Variants in PIEZO2 observed in about 807,000 individuals in gnomAD.
PIEZO2 encodes the protein piezo type mechanosensitive ion channel component 2.
PIEZO2 carries 172 observed loss-of-function variants against 337.3 expected under a neutral mutation model. The ratio of observed to expected loss-of-function variants is 0.51; its 90% CI spans 0.45 to 0.58. The LOEUF is 0.58. Ranked by LOEUF, PIEZO2 falls within the 20% of genes least tolerant of loss-of-function variation. The pLI is 0.00. For missense variants in PIEZO2, 3,028 were observed against 3,391.3 expected (o/e 0.89, Z 2.66); for synonymous variants, 1,251 against 1,228.5 (o/e 1.02, Z -0.38).
Position 10,815,811 on chromosome 18 carries a change from C to G in PIEZO2, c.918-8537G>C, listed in dbSNP as rs912176971. Among the ~76,000 whole-genome samples, 1 of 152,142 alleles carries G rather than the reference C, an allele frequency of 6.6e-6. No individual in the cohort carries two copies. The highest frequency in any genetic ancestry group is 2.4e-5 in the African/African-American group (1 of 41,432). On this transcript the variant is annotated intron_variant, in intron 7 of 55. Coordinates refer to ENST00000674853, the MANE Select transcript of PIEZO2 (RefSeq NM_001378183.1). This position sits in a 1 kb window ranked among gnomAD's most constrained non-coding sequence, Gnocchi z 4.1. ...CACATAGAATATACTTTCTACCTCT[C>G]CAAGAAAAACAGTTCCAAATTTCTA...
Position 11,138,595 on chromosome 18 carries a change from C to G in PIEZO2, c.64+9930G>C, listed in dbSNP as rs150369967. The stretch of plus-strand genomic sequence containing the variant: ...CAGGCGTGAGCCACCACACCCAGCT[C>G]AAAAGATGTTTTGAAATAGCTGCTA... On this transcript the variant is annotated intron_variant, in intron 1 of 55. Coordinates refer to ENST00000674853, the MANE Select transcript of PIEZO2 (RefSeq NM_001378183.1). Among the ~76,000 whole-genome samples, 92 of 152,284 alleles carry G rather than the reference C, an allele frequency of 6.0e-4. 1 individual carries two copies. In the East Asian group the frequency reaches 0.017, roughly 28 times the overall value.
At chr18:10,762,856 TC>T in intron 22 of PIEZO2, 65 bp downstream of exon 22, 1 of 1,483,042 alleles carries the variant, frequency 6.7e-7, no homozygotes, top group Non-Finnish European at 9.0e-7. Flanking sequence ...GGATGGGGGT[TC>T]CCCAAGTATC....
At position 10,705,598 on chromosome 18, in the gene PIEZO2, C is replaced by T; in HGVS notation, c.5737G>A (p.Gly1913Arg). ...KEYEATGYDVGAMGAEEASLT... is the reference protein window; with the variant it reads ...KEYEATGYDVRAMGAEEASLT... ...CTGGCCTCCTCGGCACCCATGGCTC[C>T]CACATCGTACCCAGTGGCCTCGTAC... Residue 1913 changes from glycine (G) to arginine (R), a missense_variant, in exon 41 of 56, where the codon GGA (glycine) becomes AGA (arginine). By Grantham distance (125) the Gly-to-Arg change is moderately radical. This residue lies in a region of PIEZO2 where 1,925 missense variants were observed against 2,051.9 expected (regional missense o/e 0.94). Transcript: ENST00000674853. 6.5e-7 allele frequency: 1 copy of T among 1,537,190 alleles called. No individual in the cohort carries two copies. The highest frequency in any genetic ancestry group is 8.7e-7 in the Non-Finnish European group (1 of 1,146,890).
At chr18:11,073,669 T>C (rs1407047881) in intron 1 of PIEZO2, among the ~76,000 whole-genome samples, 1 of 152,182 alleles carries the variant, frequency 6.6e-6, no homozygotes, top group Non-Finnish European at 1.5e-5. Context: ...ATTTGACAGA[T>C]GGCAGTCACA....
chr18:11,041,345 G>T (rs1017332500), intron 2 of PIEZO2, among the ~76,000 whole-genome samples: 7 of 152,204 alleles, frequency 4.6e-5, no homozygotes, highest in Non-Finnish European at 8.8e-5. Flanking sequence ...AGGATAAAGA[G>T]AAAGAGAAAT....
intron 47 of PIEZO2, among the ~76,000 whole-genome samples, chr18:10,694,742 G>A (rs906268837): frequency 1.3e-5 from 2 of 152,230 alleles, no homozygotes; most frequent in African/African-American, 4.8e-5. Flanking sequence ...GGCTGAGGCG[G>A]GAGGATTGTT....
intron 4 of PIEZO2, among the ~76,000 whole-genome samples, chr18:10,882,761 A>G (rs1157054138): frequency 6.6e-6 from 1 of 150,938 alleles, no homozygotes; most frequent in Non-Finnish European, 1.5e-5. Context: ...ATCACCTCCA[A>G]TTCTATCCTG....
intron 3 of PIEZO2, among the ~76,000 whole-genome samples, chr18:10,933,056 G>T (rs565340300): frequency 6.6e-6 from 1 of 152,272 alleles, no homozygotes; most frequent in South Asian, 2.1e-4. Context: ...ACAGGAGGGT[G>T]AGGACCCTGG....
chr18:10,822,755 T>C (rs969663666), intron 7 of PIEZO2, among the ~76,000 whole-genome samples: 4 of 152,214 alleles, frequency 2.6e-5, no homozygotes, highest in African/African-American at 7.2e-5. Flanking sequence ...TGGGGTGCAC[T>C]AAGCGGCTAA....
Position 10,762,548 on chromosome 18 carries a change from T to A in PIEZO2, c.3201A>T (p.Thr1067=), listed in dbSNP as rs552989428. The A allele has an allele frequency of 7.2e-5, 110 of 1,537,382 alleles. 1 individual carries two copies. The South Asian group carries it at 1.3e-3, about 18-fold the overall frequency. The change falls in exon 23 of 56, where the codon ACA becomes ACT. Residue 1067 remains threonine (T), a synonymous_variant. Transcript: ENST00000674853. ...AAGACTTCCGCAGGCCGACCCACTC[T>A]GTAGGATCGATAGGAGCGCTGTAGA... is the stretch of plus-strand genomic sequence containing the variant. ...SLLYSAPIDP[T]EWVGLRKSSP...
Position 11,110,790 on chromosome 18 carries a change from T to C in PIEZO2, c.64+37735A>G, listed in dbSNP as rs891155944. Among the ~76,000 whole-genome samples, 2 of 151,516 alleles carry C rather than the reference T, an allele frequency of 1.3e-5. No individual in the cohort carries two copies. Among genetic ancestry groups the C allele is most frequent in the East Asian group, 3.9e-4 (2 of 5,106 alleles). ...GCTCTGGCCCACGTGTGCGTTTCCT[T>C]TGGAACACACAGTATTGACCAGCAC... On this transcript the variant is annotated intron_variant, in intron 1 of 55. Coordinates refer to ENST00000674853, the MANE Select transcript of PIEZO2 (RefSeq NM_001378183.1). The surrounding 1 kb of genome is among the most constrained non-coding windows in gnomAD (Gnocchi z 4.2).
chr18:11,004,225 C>G (rs1157940131), intron 2 of PIEZO2, among the ~76,000 whole-genome samples: 1 of 152,044 alleles, frequency 6.6e-6, no homozygotes, highest in South Asian at 2.1e-4. Flanking sequence ...CCTGAGTCCC[C>G]CTGGATGGAA....
intron 1 of PIEZO2, among the ~76,000 whole-genome samples, chr18:11,141,437 A>C (rs1302058139): frequency 6.6e-6 from 1 of 152,226 alleles, no homozygotes; most frequent in African/African-American, 2.4e-5. Flanking sequence ...CACACAGGGT[A>C]AAGATGGAAT....
intron 2 of PIEZO2, among the ~76,000 whole-genome samples, chr18:11,026,831 G>A (rs1350881203): frequency 6.6e-6 from 1 of 152,146 alleles, no homozygotes; most frequent in African/African-American, 2.4e-5. Flanking sequence ...TTAGAACATG[G>A]ACCAGATCAC....
rs191994892 is a variant in PIEZO2 at position 11,003,173 on chromosome 18, G to A, written c.161-23513C>T. Reference sequence around the variant, plus strand: ...GGGTGATGCAGTGAGGTTCCAGGACGTGTGTGGTATTAACTGTAGCACTAA... The same window carrying A: ...GGGTGATGCAGTGAGGTTCCAGGACATGTGTGGTATTAACTGTAGCACTAA... On this transcript the variant is annotated intron_variant, in intron 2 of 55. Transcript: ENST00000674853. This position sits in a 1 kb window ranked among gnomAD's most constrained non-coding sequence, Gnocchi z 4.6. 1.3e-5 allele frequency among the ~76,000 whole-genome samples: 2 copies of A among 152,338 alleles called. No individual in the cohort carries two copies. The highest frequency in any genetic ancestry group is 2.1e-4 in the South Asian group (1 of 4,830).
At chr18:10,955,834 C>T (rs2033495407) in intron 3 of PIEZO2, among the ~76,000 whole-genome samples, 1 of 152,132 alleles carries the variant, frequency 6.6e-6, no homozygotes. Context: ...CATTATAGAA[C>T]ACTCCTTGAG....
intron 1 of PIEZO2, among the ~76,000 whole-genome samples, chr18:11,139,752 C>G (rs2040588154): frequency 6.6e-6 from 1 of 152,188 alleles, no homozygotes; most frequent in African/African-American, 2.4e-5. Flanking sequence ...CCTCCCCTTC[C>G]TTTAACGGGT....
intron 2 of PIEZO2, among the ~76,000 whole-genome samples, chr18:11,050,721 C>G (rs1479740622): frequency 6.6e-6 from 1 of 151,810 alleles, no homozygotes; most frequent in African/African-American, 2.4e-5. Context: ...GTCACCAAAG[C>G]ACAGTAAGCC....
chr18:11,037,334 C>A (rs2584750), intron 2 of PIEZO2, among the ~76,000 whole-genome samples: 70,898 of 151,816 alleles, frequency 0.47, 17,724 homozygotes, highest in African/African-American at 0.65. Context: ...TTGTATGCCA[C>A]GTAAGAGGAG....
Sources: gnomAD v4.1 joint callset for allele counts (sites outside exome capture counted in the v4.1 genomes callset) on GRCh38, gnomAD v4.1.1 for gene constraint, gnomAD v4.1.1 regional missense constraint, Gnocchi (gnomAD v3.1) non-coding constraint, MANE v1.5 for transcripts, NCBI Gene and HGNC (gene_info 2026-07-23, HGNC 2026-07-21) for gene names.